Variants in CPLANE1 observed in about 807,000 individuals in gnomAD.
CPLANE1 encodes ciliogenesis and planar polarity effector complex subunit 1.
Under a neutral mutation model 362.5 loss-of-function variants are expected in CPLANE1, and 263 were observed. That is an observed-to-expected ratio of 0.73 (90% confidence interval 0.66 to 0.80). CPLANE1 has a LOEUF of 0.80. CPLANE1 is among the 30% of genes least tolerant of loss of function. The probability of loss-of-function intolerance (pLI) is 0.00; values close to 1 mark genes in which losing one functional copy is unlikely to be tolerated. For missense variants in CPLANE1, 3,461 were observed against 3,793.4 expected (o/e 0.91, Z 2.30); for synonymous variants, 1,212 against 1,302.6 (o/e 0.93, Z 1.50).
chr5:37,232,907 G>GTAACTCCT (rs896998501), intron 8 of CPLANE1, among the ~76,000 whole-genome samples: 3 of 149,696 alleles, frequency 2.0e-5, no homozygotes, highest in African/African-American at 7.4e-5. Context: ...CAGGTAGCAT[G>GTAACTCCT]TAACTCCTCC....
chr5:37,234,267 A>C (rs1430236767), intron 8 of CPLANE1, among the ~76,000 whole-genome samples: 2 of 152,120 alleles, frequency 1.3e-5, no homozygotes, highest in African/African-American at 2.4e-5. Flanking sequence ...ATGCCAGAGA[A>C]ATAATTCAAA....
In CPLANE1 at chr5:37,107,158, G is replaced by T; in HGVS notation, c.*444C>A. Reference sequence around the variant, plus strand: ...AACCCTGCATAGGTGTTTTAAAATAGGGTTCATAATTGAGTTCTCAGGTGA... The same window carrying T: ...AACCCTGCATAGGTGTTTTAAAATATGGTTCATAATTGAGTTCTCAGGTGA... On this transcript the variant is annotated 3_prime_UTR_variant, in exon 53 of 53. Transcript: ENST00000651892. 1 of 985,614 alleles carries T rather than the reference G, an allele frequency of 1.0e-6. No individual in the cohort carries two copies. The highest frequency in any genetic ancestry group is 1.2e-6 in the Non-Finnish European group (1 of 830,074). The allele number at this position is 985,614 out of a possible 1,614,324, so 61.1% of individuals were successfully genotyped here.
chr5:37,107,793 A>C lies in CPLANE1; in HGVS notation c.9580-15T>G. 1.9e-6 allele frequency: 3 copies of C among 1,584,398 alleles called. No individual in the cohort carries two copies. Among genetic ancestry groups the C allele is most frequent in the Non-Finnish European group, 2.6e-6 (3 of 1,162,698 alleles). Reference sequence around the variant, plus strand: ...GGAGACAAGTCCTATTAAATTGAAAAGACAATTGTGGTCCTAGCCCCTAAA... The same window carrying C: ...GGAGACAAGTCCTATTAAATTGAAACGACAATTGTGGTCCTAGCCCCTAAA... On this transcript the variant is annotated splice_polypyrimidine_tract_variant and intron_variant, in intron 52 of 52. Transcript: ENST00000651892.
the CPLANE1 span, among the ~76,000 whole-genome samples, chr5:37,077,369 A>AATT: frequency 1.3e-5 from 2 of 152,022 alleles, no homozygotes; most frequent in Non-Finnish European, 1.5e-5. Flanking sequence ...CTTTTGCATA[A>AATT]ATTATATCAT....
intron 51 of CPLANE1, among the ~76,000 whole-genome samples, chr5:37,113,322 C>T (rs549821157): frequency 6.6e-6 from 1 of 152,156 alleles, no homozygotes; most frequent in African/African-American, 2.4e-5. Flanking sequence ...AGGGGAGTTC[C>T]CCTGAATACA....
chr5:37,097,292 AG>A, the CPLANE1 span, among the ~76,000 whole-genome samples: 4 of 152,104 alleles, frequency 2.6e-5, no homozygotes, highest in Non-Finnish European at 4.4e-5. Flanking sequence ...GAATGTTCTC[AG>A]TCAAACAACA....
chr5:37,158,812 A>T (rs1775961007), intron 38 of CPLANE1, among the ~76,000 whole-genome samples: 1 of 147,408 alleles, frequency 6.8e-6, no homozygotes, highest in South Asian at 2.1e-4. Context: ...TTTTTGAGAC[A>T]GAGTCTCGCT....
chr5:37,143,439 T>C (rs759071929), intron 43 of CPLANE1, among the ~76,000 whole-genome samples: 18 of 151,764 alleles, frequency 1.2e-4, no homozygotes, highest in Non-Finnish European at 2.4e-4. Flanking sequence ...GGACACAACA[T>C]CCAAAGAGCA....
Position 37,185,029 on chromosome 5 carries a change from C to G in CPLANE1, c.4240G>C (p.Val1414Leu). ...MSVVMHSIQK[V>L]RVKALKRVQR... ...ACACGTTTTAGAGCTTTCACCCTCA[C>G]TTTCTGGATAGAATGCATGACAACA... The change falls in exon 25 of 53, where the codon GTG becomes CTG. Residue 1414 changes from valine (V) to leucine (L), a missense_variant. Val to Leu is a conservative substitution (Grantham distance 32, BLOSUM62 1). This residue lies in a region of CPLANE1 where 3,380 missense variants were observed against 3,666.1 expected (regional missense o/e 0.92). Transcript: ENST00000651892. 1 of 1,613,994 alleles carries G rather than the reference C, an allele frequency of 6.2e-7. No homozygotes were observed.
chr5:37,140,381 G>T, intron 44 of CPLANE1: 1 of 983,170 alleles, frequency 1.0e-6, no homozygotes, highest in Non-Finnish European at 1.2e-6. Context: ...TCCAAATCAA[G>T]GATTTTATTT....
Position 37,183,121 on chromosome 5 carries a change from T to C in CPLANE1, c.5060A>G (p.Lys1687Arg), listed in dbSNP as rs767457866. ...LFGLKQRSIYKIQDDTREKCL... is the reference protein window; with the variant it reads ...LFGLKQRSIYRIQDDTREKCL... ...TTTCTCTCTAGTGTCATCTTGTATT[T>C]TGTAAATTGACCTTTGTTTTAAACC... is the stretch of plus-strand genomic sequence containing the variant. Residue 1687 changes from lysine to arginine, a missense_variant, in exon 26 of 53, where the codon AAA becomes AGA. Coordinates refer to ENST00000651892, the MANE Select transcript of CPLANE1 (RefSeq NM_001384732.1). The C allele has an allele frequency of 3.9e-5, 63 of 1,613,280 alleles. No homozygotes were observed. Among genetic ancestry groups the C allele is most frequent in the Non-Finnish European group, 5.3e-5 (62 of 1,179,778 alleles).
At chr5:37,117,371 A>G (rs1761311580) in intron 50 of CPLANE1, among the ~76,000 whole-genome samples, 1 of 151,398 alleles carries the variant, frequency 6.6e-6, no homozygotes, top group Non-Finnish European at 1.5e-5. Flanking sequence ...CAAGAGGGAC[A>G]TAAACATGTG....
Position 37,107,063 on chromosome 5 carries a change from T to A in CPLANE1, c.*539A>T. On this transcript the variant is annotated 3_prime_UTR_variant, in exon 53 of 53. Coordinates refer to ENST00000651892, the MANE Select transcript of CPLANE1 (RefSeq NM_001384732.1). ...AAGACAGAAGATCTCCTGGCCTCCA[T>A]GAAACTTTGCTTATTTAGAGATTCA... 1 of 985,456 alleles carries A rather than the reference T, an allele frequency of 1.0e-6. No individual in the cohort carries two copies. Among genetic ancestry groups the A allele is most frequent in the Non-Finnish European group, 1.2e-6 (1 of 829,922 alleles). The allele number at this position is 985,456 out of a possible 1,614,324, so 61.0% of individuals were successfully genotyped here.
At chr5:37,239,620 G>T (rs1581013547) in intron 7 of CPLANE1, 93 bp downstream of exon 7, 63 of 692,850 alleles carry the variant, frequency 9.1e-5, no homozygotes, top group Middle Eastern at 3.0e-4. Flanking sequence ...AAAAAAAAAT[G>T]GATATAAAGG....
At chr5:37,203,716 T>A (rs902588128) in intron 18 of CPLANE1, among the ~76,000 whole-genome samples, 1 of 152,106 alleles carries the variant, frequency 6.6e-6, no homozygotes, top group Non-Finnish European at 1.5e-5. Context: ...CAGGGTTTTG[T>A]CATATTGCCC....
At position 37,221,399 on chromosome 5, in the gene CPLANE1, CT is replaced by C; in HGVS notation, c.2670del (p.Gly891AspfsTer6). 6.5e-7 allele frequency: 1 copy of C among 1,538,510 alleles called. No homozygotes were observed. Among genetic ancestry groups the C allele is most frequent in the Non-Finnish European group, 8.8e-7 (1 of 1,141,112 alleles). On this transcript the variant is annotated frameshift_variant, in exon 15 of 53. Transcript: ENST00000651892. Reference protein sequence around the residue: ...HLYSYNLNDAQGLCDQLAREI... With the variant: ...HLYSYNLNDAXGLCDQLAREI... Reference sequence around the variant, plus strand: ...TCTCTTGCTAGCTGATCACACAATCCTTGAGCATCATTTAAATTATAGCTAT... The same window carrying C: ...TCTCTTGCTAGCTGATCACACAATCCTGAGCATCATTTAAATTATAGCTAT...
chr5:37,096,969 CT>C, the CPLANE1 span, among the ~76,000 whole-genome samples: 1 of 151,954 alleles, frequency 6.6e-6, no homozygotes, highest in Non-Finnish European at 1.5e-5. Context: ...GGAATATAAA[CT>C]AGTACAGCCA....
chr5:37,101,720 C>T (rs1037231823), downstream of CPLANE1, among the ~76,000 whole-genome samples: 8 of 151,994 alleles, frequency 5.3e-5, no homozygotes, highest in East Asian at 5.8e-4. Flanking sequence ...GCTATAAATC[C>T]GTCTGGTCCT....
chr5:37,248,932 G>A (rs933361163), intron 1 of CPLANE1, among the ~76,000 whole-genome samples: 5 of 152,238 alleles, frequency 3.3e-5, no homozygotes, highest in Non-Finnish European at 5.9e-5. Context: ...GAAGCTGGGG[G>A]ACTCGGGTCC....
Sources: gnomAD v4.1 joint callset for allele counts (sites outside exome capture counted in the v4.1 genomes callset) on GRCh38, gnomAD v4.1.1 for gene constraint, gnomAD v4.1.1 regional missense constraint, MANE v1.5 for transcripts, NCBI Gene and HGNC (gene_info 2026-07-23, HGNC 2026-07-21) for gene names.